KLHDC10: variants seen among roughly 807,000 people sequenced by gnomAD.
KLHDC10 encodes the protein kelch domain containing 10.
A neutral mutation model predicts 56.1 loss-of-function variants in KLHDC10; 24 were observed. The observed-to-expected ratio is 0.43, with a 90% CI of 0.31 to 0.60. The LOEUF is 0.60. KLHDC10 is among the 20% of genes least tolerant of loss of function. The pLI, the probability that KLHDC10 is intolerant of heterozygous loss-of-function variation, is 0.11. For synonymous variants in KLHDC10, 188 were observed against 207.1 expected (o/e 0.91, Z 0.79); for missense variants, 349 against 567.0 (o/e 0.62, Z 3.91).
intron 8 of KLHDC10, among the ~76,000 whole-genome samples, chr7:130,128,426 ATC>A (rs1428118903): frequency 6.6e-6 from 1 of 152,238 alleles, no homozygotes; most frequent in East Asian, 1.9e-4. Context: ...GTTACAAGTT[ATC>A]TAATTAGTTA....
intron 2 of KLHDC10, among the ~76,000 whole-genome samples, chr7:130,106,521 G>T (rs1005659279): frequency 1.3e-5 from 2 of 152,104 alleles, no homozygotes; most frequent in African/African-American, 4.8e-5. Flanking sequence ...CCTTATCTGT[G>T]GAATGTATTT....
chr7:130,078,484 C>T (rs1423209734), intron 1 of KLHDC10, among the ~76,000 whole-genome samples: 1 of 152,094 alleles, frequency 6.6e-6, no homozygotes, highest in Non-Finnish European at 1.5e-5. Flanking sequence ...CTTGGCCTCC[C>T]GGGATTACAG....
intron 1 of KLHDC10, among the ~76,000 whole-genome samples, chr7:130,093,689 G>T (rs1211662862): frequency 6.6e-6 from 1 of 152,114 alleles, no homozygotes; most frequent in African/African-American, 2.4e-5. Context: ...ATTTGTGTTG[G>T]CGTCACACTG....
At chr7:130,126,527 T>C (rs1253206396) in intron 7 of KLHDC10, among the ~76,000 whole-genome samples, 1 of 150,318 alleles carries the variant, frequency 6.7e-6, no homozygotes, top group East Asian at 2.0e-4. Flanking sequence ...AATGTAAAAA[T>C]TAGCTGGGCG....
chr7:130,087,326 T>C (rs1448750637), intron 1 of KLHDC10, among the ~76,000 whole-genome samples: 1 of 152,224 alleles, frequency 6.6e-6, no homozygotes, highest in African/African-American at 2.4e-5. Flanking sequence ...TGCACAGCTA[T>C]GGTTATGTTG....
chr7:130,106,827 C>T (rs1051119893), intron 2 of KLHDC10, among the ~76,000 whole-genome samples: 8 of 151,864 alleles, frequency 5.3e-5, no homozygotes, highest in South Asian at 2.1e-4. Context: ...AAAAATTAGC[C>T]GGGCGTGGTG....
chr7:130,130,757 A>C lies in KLHDC10; in HGVS notation c.*11A>C, dbSNP rs1796389797. On this transcript the variant is annotated 3_prime_UTR_variant, in exon 10 of 10. Coordinates refer to ENST00000335420, the MANE Select transcript of KLHDC10 (RefSeq NM_014997.4). This position sits in a 1 kb window ranked among gnomAD's most constrained non-coding sequence, Gnocchi z 4.2. ...GAACGCTTGAAATGAGGATTTCTGGACTGTTCATTGATACTGGAAATGTTA... is the reference window on the plus strand; with the variant it reads ...GAACGCTTGAAATGAGGATTTCTGGCCTGTTCATTGATACTGGAAATGTTA... 3.7e-6 allele frequency: 6 copies of C among 1,609,534 alleles called. No homozygotes were observed. The highest frequency in any genetic ancestry group is 5.1e-6 in the Non-Finnish European group (6 of 1,175,830).
At chr7:130,108,729 A>C (rs1046666918) in intron 2 of KLHDC10, among the ~76,000 whole-genome samples, 2 of 150,988 alleles carry the variant, frequency 1.3e-5, no homozygotes, top group African/African-American at 4.9e-5. Context: ...CTCAAACAAA[A>C]AAAAAAAAAA....
intron 2 of KLHDC10, among the ~76,000 whole-genome samples, chr7:130,107,832 G>C (rs1432921171): frequency 1.1e-5 from 1 of 88,610 alleles, no homozygotes; most frequent in Admixed American, 1.4e-4. Context: ...CGACAGAGTG[G>C]GACTCCGTCT....
Position 130,070,774 on chromosome 7 carries a change from G to A in KLHDC10, c.131G>A (p.Arg44His). 2 of 1,308,158 alleles carry A rather than the reference G, an allele frequency of 1.5e-6. No homozygotes were observed. The highest frequency in any genetic ancestry group is 9.7e-7 in the Non-Finnish European group (1 of 1,026,280). The allele number at this position is 1,308,158 out of a possible 1,614,324, so 81.0% of individuals were successfully genotyped here. A position where few individuals can be genotyped will look rare whatever the true frequency, so the allele number is the denominator to read the frequency against. ...SGGRGTGQLN[R>H]FVQLSGRPHL... Reference sequence around the variant, plus strand: ...GGTCGGGGGACTGGCCAGCTCAACCGCTTCGTGCAACTCTCCGGGCGGCCG... The same window carrying A: ...GGTCGGGGGACTGGCCAGCTCAACCACTTCGTGCAACTCTCCGGGCGGCCG... Residue 44 changes from arginine to histidine, a missense_variant, in exon 1 of 10, where the codon CGC (arginine) becomes CAC (histidine). Physicochemically the swap from Arg to His is conservative, Grantham distance 29 (BLOSUM62 0). Transcript: ENST00000335420.
intron 1 of KLHDC10, among the ~76,000 whole-genome samples, chr7:130,085,621 G>A (rs1584621030): frequency 6.6e-6 from 1 of 151,800 alleles, no homozygotes; most frequent in East Asian, 1.9e-4. Flanking sequence ...GATCACCTGA[G>A]GTCAGGAGTT....
intron 8 of KLHDC10, among the ~76,000 whole-genome samples, chr7:130,128,608 C>T (rs1796344324): frequency 6.6e-6 from 1 of 151,992 alleles, no homozygotes; most frequent in Non-Finnish European, 1.5e-5. Context: ...GAACGTTCCT[C>T]CTCAGGTTAA....
At chr7:130,085,691 G>A (rs879544379) in intron 1 of KLHDC10, among the ~76,000 whole-genome samples, 1 of 151,554 alleles carries the variant, frequency 6.6e-6, no homozygotes, top group African/African-American at 2.4e-5. Flanking sequence ...AAAAAACGCC[G>A]GGCGTGGTGG....
At chr7:130,079,162 A>G (rs1478729957) in intron 1 of KLHDC10, among the ~76,000 whole-genome samples, 1 of 151,092 alleles carries the variant, frequency 6.6e-6, no homozygotes, top group Non-Finnish European at 1.5e-5. Flanking sequence ...GGTTCAAGTG[A>G]TTCTCCTGGC....
At position 130,131,360 on chromosome 7, in the gene KLHDC10, T is replaced by G. The variant is rs930470675; in HGVS notation, c.*614T>G. The G allele has an allele frequency of 2.0e-5, 3 of 152,770 alleles. No homozygotes were observed. Among genetic ancestry groups the G allele is most frequent in the Admixed American group, 6.5e-5 (1 of 15,382 alleles). 9.5% of individuals were successfully genotyped at this position (152,770 alleles called of 1,614,324 possible). ...CCTACCCTTTGGCTTTGAAGGAAGGTTAAGCAGCCCAGCAACTCTTGGTTA... is the reference window on the plus strand; with the variant it reads ...CCTACCCTTTGGCTTTGAAGGAAGGGTAAGCAGCCCAGCAACTCTTGGTTA... On this transcript the variant is annotated 3_prime_UTR_variant, in exon 10 of 10. Coordinates refer to ENST00000335420, the MANE Select transcript of KLHDC10 (RefSeq NM_014997.4).
intron 1 of KLHDC10, among the ~76,000 whole-genome samples, chr7:130,072,231 A>G (rs1451366279): frequency 6.6e-6 from 1 of 152,206 alleles, no homozygotes; most frequent in Non-Finnish European, 1.5e-5. Context: ...CTACTACCGC[A>G]ATCTTTAGGT....
rs538306787 is a variant in KLHDC10 at position 130,133,692 on chromosome 7, A to G, written c.*2946A>G. 5 of 152,152 alleles carry G rather than the reference A, an allele frequency of 3.3e-5. No homozygotes were observed. Among genetic ancestry groups the G allele is most frequent in the Non-Finnish European group, 7.3e-5 (5 of 68,030 alleles). 9.4% of individuals were successfully genotyped at this position (152,152 alleles called of 1,614,324 possible). A position where few individuals can be genotyped will look rare whatever the true frequency, so the allele number is the denominator to read the frequency against. ...CATGTCTTACATTTTGTTGCCGGAG[A>G]ACAAGGAAGTCCATCTGTAAGGAGT... On this transcript the variant is annotated 3_prime_UTR_variant, in exon 10 of 10. Transcript: ENST00000335420.
intron 1 of KLHDC10, among the ~76,000 whole-genome samples, chr7:130,093,115 T>C (rs976653747): frequency 4.6e-5 from 7 of 152,086 alleles, no homozygotes; most frequent in African/African-American, 1.4e-4. Context: ...GACTATGTTA[T>C]ATTTATAGTG....
chr7:130,103,546 T>G (rs1795965056), intron 2 of KLHDC10, among the ~76,000 whole-genome samples: 1 of 152,142 alleles, frequency 6.6e-6, no homozygotes, highest in Non-Finnish European at 1.5e-5. Context: ...ACTAAAGTAC[T>G]TACTATTTCA....
Sources: allele counts gnomAD v4.1 joint callset (sites outside exome capture counted in the v4.1 genomes callset), GRCh38; gene constraint gnomAD v4.1.1; non-coding constraint Gnocchi (gnomAD v3.1); transcripts MANE v1.5; gene names NCBI Gene and HGNC (gene_info 2026-07-23, HGNC 2026-07-21).